PREX2: variants seen among roughly 807,000 people sequenced by gnomAD.
PREX2 encodes the protein phosphatidylinositol 3,4,5-trisphosphate-dependent Rac exchanger 2 protein.
Under a neutral mutation model 203.2 loss-of-function variants are expected in PREX2, and 107 were observed. The observed-to-expected ratio is 0.53, with a 90% CI of 0.45 to 0.62. The LOEUF (loss-of-function observed/expected upper bound fraction) is 0.62, where lower values mean the gene tolerates loss of function less well. PREX2 is among the 20% of genes least tolerant of loss of function. The pLI, the probability that PREX2 is intolerant of heterozygous loss-of-function variation, is 0.00. For synonymous variants in PREX2, 672 were observed against 663.6 expected, an observed-to-expected ratio of 1.01 and a Z score of -0.19; for missense variants, 1,777 against 1,955.9, an observed-to-expected ratio of 0.91 and a Z score of 1.72.
At chr8:67,994,071 A>G (rs1437805043) in intron 1 of PREX2, among the ~76,000 whole-genome samples, 1 of 152,224 alleles carries the variant, frequency 6.6e-6, no homozygotes, top group African/African-American at 2.4e-5. Context: ...TGCAGGAATG[A>G]TGCATAATAA....
chr8:67,955,289 C>G (rs1303513514), intron 1 of PREX2, among the ~76,000 whole-genome samples: 1 of 152,190 alleles, frequency 6.6e-6, no homozygotes, highest in Non-Finnish European at 1.5e-5. Flanking sequence ...CCACTGCCAT[C>G]CCCAAGACAG....
intron 1 of PREX2, among the ~76,000 whole-genome samples, chr8:67,977,889 C>T (rs1806153650): frequency 6.6e-6 from 1 of 152,182 alleles, no homozygotes; most frequent in African/African-American, 2.4e-5. Flanking sequence ...CTGCCCTATG[C>T]ATCTCTTTCT....
At chr8:68,220,311 C>T (rs1585872907) in intron 38 of PREX2, 1 of 152,246 alleles carries the variant, frequency 6.6e-6, no homozygotes, top group African/African-American at 2.4e-5. Context: ...TTGGGCAGCA[C>T]TTTATGTAAC....
intron 37 of PREX2, among the ~76,000 whole-genome samples, chr8:68,201,636 G>T (rs1177542535): frequency 6.6e-6 from 1 of 152,076 alleles, no homozygotes; most frequent in African/African-American, 2.4e-5. Flanking sequence ...CATATTGAGG[G>T]TAGATCTGCC....
intron 8 of PREX2, among the ~76,000 whole-genome samples, chr8:68,050,647 CA>C (rs2129611078): frequency 6.6e-6 from 1 of 152,282 alleles, no homozygotes; most frequent in South Asian, 2.1e-4. Flanking sequence ...GGTTTCTGTA[CA>C]TTGAAACAAT....
chr8:68,078,523 TTGTC>T (rs767477458), intron 15 of PREX2, among the ~76,000 whole-genome samples: 22 of 152,192 alleles, frequency 1.4e-4, no homozygotes, highest in African/African-American at 4.8e-4. Context: ...TTATACCTGT[TTGTC>T]AGTTACTTTT....
chr8:68,189,956 A>G (rs1342579626), intron 35 of PREX2, among the ~76,000 whole-genome samples: 1 of 152,252 alleles, frequency 6.6e-6, no homozygotes, highest in Non-Finnish European at 1.5e-5. Context: ...TTAGAGCTAA[A>G]GCATTCATAA....
intron 1 of PREX2, among the ~76,000 whole-genome samples, chr8:67,978,715 A>G (rs533139392): frequency 1.3e-5 from 2 of 152,064 alleles, no homozygotes; most frequent in Admixed American, 6.6e-5. Context: ...TGGTTTTTCA[A>G]TGGTTTTATG....
chr8:68,016,785 T>A (rs1250651340), intron 1 of PREX2, among the ~76,000 whole-genome samples: 2 of 152,030 alleles, frequency 1.3e-5, no homozygotes, highest in African/African-American at 2.4e-5. Flanking sequence ...CCCAGCAAAC[T>A]TTAAAAATCT....
chr8:68,069,411 T>C (rs16934113), intron 12 of PREX2, among the ~76,000 whole-genome samples: 78,437 of 149,576 alleles, frequency 0.52, 20,696 homozygotes, highest in South Asian at 0.55. Context: ...AGCAACATGT[T>C]GTCAAAATAC....
intron 1 of PREX2, among the ~76,000 whole-genome samples, chr8:67,997,940 A>T (rs987156037): frequency 6.6e-6 from 1 of 152,086 alleles, no homozygotes; most frequent in African/African-American, 2.4e-5. Flanking sequence ...TTATTTTAAG[A>T]TTTTTATCGT....
chr8:68,208,841 C>T (rs1435862604), intron 37 of PREX2, among the ~76,000 whole-genome samples: 1 of 151,990 alleles, frequency 6.6e-6, no homozygotes, highest in East Asian at 1.9e-4. Flanking sequence ...GTAATCCCAG[C>T]ACTTTGCGAG....
intron 34 of PREX2, among the ~76,000 whole-genome samples, chr8:68,154,010 A>G (rs1481161263): frequency 1.3e-5 from 2 of 152,204 alleles, no homozygotes; most frequent in Admixed American, 1.3e-4. Flanking sequence ...AGGACTGGCC[A>G]TTCTGGCCAA....
chr8:68,228,915 C>T (rs1453220734), intron 39 of PREX2, among the ~76,000 whole-genome samples: 3 of 141,126 alleles, frequency 2.1e-5, no homozygotes, highest in Non-Finnish European at 4.5e-5. Context: ...GCACTCCAGC[C>T]TGGGAGACAG....
chr8:67,957,854 A>G lies in PREX2; in HGVS notation c.141+5319A>G, dbSNP rs369658609. On this transcript the variant is annotated intron_variant, in intron 1 of 39. Transcript: ENST00000288368. ...CTAATCCCCAATACTTAAGAATAGG[A>G]CTGTATTTGTAGATAGGGCCTTTAA... Among the ~76,000 whole-genome samples the G allele has an allele frequency of 2.8e-4, 43 of 152,312 alleles. No individual in the cohort carries two copies. In the South Asian group the frequency reaches 8.3e-3, roughly 29 times the overall value.
At position 68,089,239 on chromosome 8, in the gene PREX2, T is replaced by G. The variant is rs566351612; in HGVS notation, c.2114-1340T>G. Among the ~76,000 whole-genome samples, 15 of 144,098 alleles carry G rather than the reference T, an allele frequency of 1.0e-4. No individual in the cohort carries two copies. The South Asian group carries it at 3.1e-3, about 30-fold the overall frequency. 94.5% of individuals were successfully genotyped at this position (144,098 alleles called of 152,430 possible). Reference sequence around the variant, plus strand: ...GGAAAAGACTGTCATGGTTATTGAATTAGTGTCTCCCAATTGACTGTCTTC... The same window carrying G: ...GGAAAAGACTGTCATGGTTATTGAAGTAGTGTCTCCCAATTGACTGTCTTC... On this transcript the variant is annotated intron_variant, in intron 19 of 39. Transcript: ENST00000288368.
At chr8:68,162,099 C>T (rs1241987231) in intron 35 of PREX2, among the ~76,000 whole-genome samples, 1 of 152,130 alleles carries the variant, frequency 6.6e-6, no homozygotes, top group Non-Finnish European at 1.5e-5. Context: ...CAATTACCTC[C>T]CACTTGGTCC....
intron 1 of PREX2, among the ~76,000 whole-genome samples, chr8:67,991,444 G>A (rs1185971460): frequency 6.6e-6 from 1 of 152,162 alleles, no homozygotes; most frequent in East Asian, 1.9e-4. Flanking sequence ...GTTCAGCATA[G>A]CTAGGGAGGC....
intron 1 of PREX2, among the ~76,000 whole-genome samples, chr8:67,954,753 A>T (rs1328771003): frequency 2.0e-5 from 3 of 152,232 alleles, no homozygotes. Flanking sequence ...TGGATGAAGG[A>T]TGACTAATCT....
Sources: allele counts gnomAD v4.1 joint callset (sites outside exome capture counted in the v4.1 genomes callset), GRCh38; gene constraint gnomAD v4.1.1; transcripts MANE v1.5; gene names NCBI Gene and HGNC (gene_info 2026-07-23, HGNC 2026-07-21).